Variants in KCNH1 observed in about 807,000 individuals in gnomAD.
KCNH1 encodes voltage-gated delayed rectifier potassium channel KCNH1.
Under a neutral mutation model 69.2 loss-of-function variants are expected in KCNH1, and 27 were observed. The observed-to-expected ratio is 0.39, with a 90% CI of 0.29 to 0.54. The LOEUF is 0.54. Ranked by LOEUF, KCNH1 falls within the 20% of genes least tolerant of loss-of-function variation. The pLI is 0.68. For synonymous variants in KCNH1, 456 were observed against 487.7 expected (o/e 0.93, Z 0.86); for missense variants, 798 against 1,261.6 (o/e 0.63, Z 5.57).
chr1:211,104,092 T>C (rs1691311404), intron 2 of KCNH1, among the ~76,000 whole-genome samples: 1 of 152,232 alleles, frequency 6.6e-6, no homozygotes, highest in African/African-American at 2.4e-5. Context: ...CAGACCCTGA[T>C]TATAGTTCAT....
intron 1 of KCNH1, among the ~76,000 whole-genome samples, chr1:211,127,013 A>G (rs1691789012): frequency 6.6e-6 from 1 of 152,308 alleles, no homozygotes; most frequent in South Asian, 2.1e-4. Context: ...AAGGAAAAAT[A>G]TGTAGTAAGT....
intron 6 of KCNH1, among the ~76,000 whole-genome samples, chr1:210,939,242 C>T (rs76524792): frequency 0.02 from 2,994 of 151,978 alleles, 40 homozygotes; most frequent in South Asian, 0.057. Context: ...CATTTGACTG[C>T]GGGGGGAGAC....
chr1:211,053,226 G>T (rs1000787344), intron 5 of KCNH1, among the ~76,000 whole-genome samples: 4 of 152,148 alleles, frequency 2.6e-5, no homozygotes, highest in Admixed American at 2.6e-4. Context: ...TTCACTTCTA[G>T]TAATCTATCC....
intron 6 of KCNH1, among the ~76,000 whole-genome samples, chr1:210,983,447 G>A (rs375536962): frequency 0.012 from 1,845 of 152,118 alleles, 16 homozygotes; most frequent in Middle Eastern, 0.034. Flanking sequence ...TAATTTTTGT[G>A]TAAGGTGTAA....
rs1553346590 is a variant in KCNH1 at position 210,806,836 on chromosome 1, A to AATATAT, written c.1463-2676_1463-2671dup. Among the ~76,000 whole-genome samples the AATATAT allele has an allele frequency of 7.8e-4, 67 of 85,564 alleles. 2 individuals carry two copies. The highest frequency in any genetic ancestry group is 1.4e-3 in the African/African-American group (27 of 19,696). The allele number at this position is 85,564 out of a possible 152,430, so 56.1% of individuals were successfully genotyped here. ...AAAAAAAAAAAAAAAAAAAAAAAAA[A>AATATAT]ATATATATATATATATATAAATTTG... On this transcript the variant is annotated intron_variant, in intron 7 of 10. Transcript: ENST00000271751.
chr1:210,896,983 G>A (rs907070351), intron 7 of KCNH1, among the ~76,000 whole-genome samples: 10 of 152,174 alleles, frequency 6.6e-5, no homozygotes, highest in African/African-American at 2.4e-4. Context: ...GGTCTTGGCA[G>A]ACATATCCTT....
intron 6 of KCNH1, among the ~76,000 whole-genome samples, chr1:210,948,095 G>A (rs902174932): frequency 4.6e-5 from 7 of 150,844 alleles, no homozygotes; most frequent in African/African-American, 1.2e-4. Flanking sequence ...GTACATGCCT[G>A]TGGTCCCAGC....
At chr1:210,698,906 C>T (rs546851743) in intron 10 of KCNH1, among the ~76,000 whole-genome samples, 1 of 152,306 alleles carries the variant, frequency 6.6e-6, no homozygotes, top group South Asian at 2.1e-4. Context: ...GCAGCTGCCC[C>T]GTCCTCTTTG....
intron 2 of KCNH1, among the ~76,000 whole-genome samples, chr1:211,104,274 G>T (rs1459895297): frequency 6.6e-6 from 1 of 152,046 alleles, no homozygotes; most frequent in Admixed American, 6.6e-5. Context: ...AAGCAAAGGA[G>T]AAACATAATC....
At chr1:210,696,651 A>G (rs1486371183) in intron 10 of KCNH1, among the ~76,000 whole-genome samples, 1 of 152,186 alleles carries the variant, frequency 6.6e-6, no homozygotes, top group Non-Finnish European at 1.5e-5. Flanking sequence ...TATGGGGGGC[A>G]CTGGCTAATG....
chr1:210,775,289 A>T, intron 10 of KCNH1, 59 bp downstream of exon 10: 1 of 1,453,724 alleles, frequency 6.9e-7, no homozygotes, highest in Non-Finnish European at 9.5e-7. Flanking sequence ...GGTCACAGTG[A>T]TTATCCAAAG....
intron 10 of KCNH1, among the ~76,000 whole-genome samples, chr1:210,740,648 T>G (rs1683002202): frequency 6.6e-6 from 1 of 151,454 alleles, no homozygotes; most frequent in African/African-American, 2.4e-5. Context: ...CTATGTTAAC[T>G]CTCTTCTCTT....
Position 211,078,843 on chromosome 1 carries a change from G to A in KCNH1, c.558+3937C>T, listed in dbSNP as rs765752202. Among the ~76,000 whole-genome samples the A allele has an allele frequency of 8.1e-5, 12 of 148,938 alleles. 1 individual carries two copies. Among genetic ancestry groups the A allele is most frequent in the Non-Finnish European group, 8.9e-5 (6 of 67,216 alleles). On this transcript the variant is annotated intron_variant, in intron 5 of 10. Coordinates refer to ENST00000271751, the MANE Select transcript of KCNH1 (RefSeq NM_172362.3). Reference sequence around the variant, plus strand: ...TGAGGCAGTAGAATGGCGTGAACCCGGGAGGCAGAGCTCACAGTGAGCCGA... The same window carrying A: ...TGAGGCAGTAGAATGGCGTGAACCCAGGAGGCAGAGCTCACAGTGAGCCGA...
At chr1:210,881,540 C>T (rs9659931) in intron 7 of KCNH1, among the ~76,000 whole-genome samples, 3,640 of 152,282 alleles carry the variant, frequency 0.024, 139 homozygotes, top group African/African-American at 0.084. Context: ...ATACTACTTA[C>T]TCAAATGTAT....
intron 10 of KCNH1, among the ~76,000 whole-genome samples, chr1:210,736,512 A>T (rs750958742): frequency 3.3e-5 from 5 of 151,790 alleles, no homozygotes; most frequent in Non-Finnish European, 7.4e-5. Context: ...GCGCCATTGC[A>T]CTCCTGGGCA....
intron 5 of KCNH1, among the ~76,000 whole-genome samples, chr1:211,047,095 T>G (rs1230670675): frequency 8.5e-5 from 13 of 152,202 alleles, no homozygotes; most frequent in Non-Finnish European, 1.9e-4. Flanking sequence ...CATTCTTTAT[T>G]TCATACTGAG....
At chr1:210,735,126 C>T (rs1404634348) in intron 10 of KCNH1, among the ~76,000 whole-genome samples, 1 of 152,150 alleles carries the variant, frequency 6.6e-6, no homozygotes, top group East Asian at 1.9e-4. Flanking sequence ...GCTGACTGCT[C>T]TGGCTGGAAT....
At chr1:211,024,667 A>C (rs1689652002) in intron 5 of KCNH1, among the ~76,000 whole-genome samples, 1 of 152,194 alleles carries the variant, frequency 6.6e-6, no homozygotes, top group South Asian at 2.1e-4. Flanking sequence ...GTTGGGACAA[A>C]GGATTGAGGG....
intron 5 of KCNH1, among the ~76,000 whole-genome samples, chr1:211,076,144 C>T (rs1413871574): frequency 6.6e-6 from 1 of 152,266 alleles, no homozygotes; most frequent in African/African-American, 2.4e-5. Flanking sequence ...GTCTCCACCT[C>T]TGCGGGCAGG....
Sources: allele counts gnomAD v4.1 joint callset (sites outside exome capture counted in the v4.1 genomes callset), GRCh38; gene constraint gnomAD v4.1.1; transcripts MANE v1.5; gene names NCBI Gene and HGNC (gene_info 2026-07-23, HGNC 2026-07-21).